The following ARHGAP10 variants were observed in gnomAD, a reference collection of about 807,000 sequenced individuals.
The protein encoded by ARHGAP10 is Rho GTPase activating protein 10.
Under a neutral mutation model 108.6 loss-of-function variants are expected in ARHGAP10, and 87 were observed. That is an observed-to-expected ratio of 0.80 (90% CI 0.67 to 0.96). The LOEUF is 0.96. Ranked by LOEUF, ARHGAP10 falls within the 40% of genes least tolerant of loss-of-function variation. The pLI, the probability that ARHGAP10 is intolerant of heterozygous loss-of-function variation, is 0.00. For synonymous variants in ARHGAP10, 347 were observed against 341.1 expected, an observed-to-expected ratio of 1.02 and a Z score of -0.19; for missense variants, 939 against 954.5, an observed-to-expected ratio of 0.98 and a Z score of 0.21.
chr4:148,046,376 T>C (rs1204641767), intron 19 of ARHGAP10, among the ~76,000 whole-genome samples: 1 of 152,244 alleles, frequency 6.6e-6, no homozygotes, highest in Non-Finnish European at 1.5e-5. Context: ...GAAGTTTGTC[T>C]ATGTGTGGGA....
intron 18 of ARHGAP10, among the ~76,000 whole-genome samples, chr4:148,018,733 A>G (rs188085839): frequency 1.3e-5 from 2 of 152,232 alleles, no homozygotes; most frequent in South Asian, 2.1e-4. Flanking sequence ...ACTAGCTGGT[A>G]GTATTTTTCC....
intron 1 of ARHGAP10, among the ~76,000 whole-genome samples, chr4:147,759,240 A>G: frequency 6.6e-6 from 1 of 152,196 alleles, no homozygotes; most frequent in East Asian, 1.9e-4. Flanking sequence ...ATGTTGTCTC[A>G]TTGAAGAACT....
intron 10 of ARHGAP10, 29 bp downstream of exon 10, chr4:147,881,961 G>A (rs1394293192): frequency 6.3e-7 from 1 of 1,593,214 alleles, no homozygotes; most frequent in East Asian, 2.2e-5. Context: ...TGGACATGGT[G>A]AAAGAGTCGT....
At chr4:148,060,344 AGTTTT>A (rs902121202) in intron 20 of ARHGAP10, among the ~76,000 whole-genome samples, 2 of 120,842 alleles carry the variant, frequency 1.7e-5, no homozygotes, top group African/African-American at 6.1e-5. Flanking sequence ...GCTCATGTTT[AGTTTT>A]TTTTTTTTTT....
chr4:147,810,017 T>TGTCA (rs767410351), intron 1 of ARHGAP10, among the ~76,000 whole-genome samples: 21 of 152,252 alleles, frequency 1.4e-4, no homozygotes, highest in Non-Finnish European at 2.5e-4. Context: ...TATTTAGTAT[T>TGTCA]TTCTCTATAA....
intron 11 of ARHGAP10, 45 bp downstream of exon 11, chr4:147,906,764 T>G: frequency 3.1e-6 from 5 of 1,597,360 alleles, no homozygotes; most frequent in Non-Finnish European, 3.4e-6. Flanking sequence ...GCCTTTAGAG[T>G]TGACTTGCAT....
chr4:148,028,038 T>C (rs1213414804), intron 19 of ARHGAP10, among the ~76,000 whole-genome samples: 2 of 152,186 alleles, frequency 1.3e-5, no homozygotes, highest in Non-Finnish European at 2.9e-5. Context: ...GCTAATTTTC[T>C]GTTCCCATTC....
intron 18 of ARHGAP10, among the ~76,000 whole-genome samples, chr4:147,979,300 T>C (rs1739720521): frequency 1.3e-5 from 2 of 152,230 alleles, no homozygotes; most frequent in South Asian, 4.1e-4. Flanking sequence ...CACCATTTAT[T>C]GAATAGGAAG....
chr4:147,939,185 T>C (rs142708858), intron 13 of ARHGAP10, among the ~76,000 whole-genome samples: 422 of 152,302 alleles, frequency 2.8e-3, no homozygotes, highest in South Asian at 0.011. Context: ...CCAAATTAGG[T>C]TTGACAATAC....
chr4:147,945,282 C>T (rs1738329323), intron 14 of ARHGAP10, among the ~76,000 whole-genome samples: 2 of 152,130 alleles, frequency 1.3e-5, no homozygotes, highest in Admixed American at 6.6e-5. Context: ...TACTAACTCT[C>T]CCATCTCCTT....
intron 10 of ARHGAP10, among the ~76,000 whole-genome samples, chr4:147,893,499 A>G (rs1468885081): frequency 6.8e-6 from 1 of 147,678 alleles, no homozygotes; most frequent in Non-Finnish European, 1.5e-5. Flanking sequence ...ACATATTTCA[A>G]TAAAAAGGTA....
intron 10 of ARHGAP10, among the ~76,000 whole-genome samples, chr4:147,889,107 C>G (rs1255281515): frequency 6.6e-6 from 1 of 152,178 alleles, no homozygotes; most frequent in African/African-American, 2.4e-5. Context: ...AATTGTTGCT[C>G]AAAAGTGACT....
chr4:147,998,577 A>G (rs1162514535), intron 18 of ARHGAP10, among the ~76,000 whole-genome samples: 4 of 152,274 alleles, frequency 2.6e-5, no homozygotes, highest in Non-Finnish European at 4.4e-5. Context: ...GAGTTCTTAA[A>G]TAATATTTCA....
intron 13 of ARHGAP10, among the ~76,000 whole-genome samples, chr4:147,922,261 A>T (rs1269314566): frequency 6.6e-6 from 1 of 152,130 alleles, no homozygotes; most frequent in Admixed American, 6.5e-5. Context: ...GGAGGCAGGC[A>T]CTCAGATTAC....
At chr4:148,027,970 A>G (rs553141294) in intron 19 of ARHGAP10, among the ~76,000 whole-genome samples, 5 of 152,084 alleles carry the variant, frequency 3.3e-5, no homozygotes, top group Admixed American at 1.3e-4. Flanking sequence ...ACTGCATATC[A>G]ATTGAAGAGC....
chr4:147,770,589 T>C (rs901045954), intron 1 of ARHGAP10, among the ~76,000 whole-genome samples: 3 of 152,212 alleles, frequency 2.0e-5, no homozygotes, highest in Non-Finnish European at 4.4e-5. Flanking sequence ...ATTTAACTTA[T>C]AGTCATGTGG....
Position 147,920,044 on chromosome 4 carries a change from A to G in ARHGAP10, c.1228+6905A>G, listed in dbSNP as rs1737170334. 2.0e-5 allele frequency among the ~76,000 whole-genome samples: 3 copies of G among 152,164 alleles called. No individual in the cohort carries two copies. In the South Asian group the frequency reaches 6.2e-4, roughly 32 times the overall value. ...GGGAGAGTTGCTTGTGTGCTGGAGAAGTGGGATACACCATTGTTATCTTCA... is the reference window on the plus strand; with the variant it reads ...GGGAGAGTTGCTTGTGTGCTGGAGAGGTGGGATACACCATTGTTATCTTCA... On this transcript the variant is annotated intron_variant, in intron 13 of 22. Coordinates refer to ENST00000336498, the MANE Select transcript of ARHGAP10 (RefSeq NM_024605.4).
At chr4:147,801,517 T>G (rs760926498) in intron 1 of ARHGAP10, among the ~76,000 whole-genome samples, 1 of 152,110 alleles carries the variant, frequency 6.6e-6, no homozygotes, top group Non-Finnish European at 1.5e-5. Flanking sequence ...CATGCTGTGT[T>G]TGTTCCAATT....
intron 15 of ARHGAP10, among the ~76,000 whole-genome samples, chr4:147,949,260 T>C (rs2635265): frequency 0.94 from 143,504 of 152,300 alleles, 68,171 homozygotes; most frequent in East Asian, 1. Flanking sequence ...TAGTGACTAA[T>C]TGTGGTTTAG....
Sources: gnomAD v4.1 joint callset for allele counts (sites outside exome capture counted in the v4.1 genomes callset) on GRCh38, gnomAD v4.1.1 for gene constraint, MANE v1.5 for transcripts, NCBI Gene and HGNC (gene_info 2026-07-23, HGNC 2026-07-21) for gene names.